PDE1A: variants seen among roughly 807,000 people sequenced by gnomAD.
PDE1A encodes the protein phosphodiesterase 1A.
Under a neutral mutation model 61.7 loss-of-function variants are expected in PDE1A, and 35 were observed. The ratio of observed to expected loss-of-function variants is 0.57; its 90% CI spans 0.43 to 0.75. The LOEUF is 0.75. Among genes scored for constraint, PDE1A ranks in the 30% least tolerant of loss-of-function variants. The pLI, the probability that PDE1A is intolerant of heterozygous loss-of-function variation, is 0.00. For synonymous variants in PDE1A, 232 were observed against 213.2 expected (o/e 1.09, Z -0.77); for missense variants, 597 against 630.6 (o/e 0.95, Z 0.57).
intron 6 of PDE1A, among the ~76,000 whole-genome samples, chr2:182,226,452 AGG>A (rs1246599747): frequency 6.7e-6 from 1 of 149,786 alleles, no homozygotes; most frequent in Non-Finnish European, 1.5e-5. Flanking sequence ...ATAGGAAGAG[AGG>A]AAACACTGAA....
intron 1 of PDE1A, among the ~76,000 whole-genome samples, chr2:182,382,289 A>C (rs1213367259): frequency 2.0e-5 from 3 of 152,246 alleles, no homozygotes; most frequent in Non-Finnish European, 4.4e-5. Flanking sequence ...TAAGAAAGAT[A>C]TAAAGCTAGA....
At chr2:182,516,202 G>A (rs1690139195) in intron 2 of PDE1A, among the ~76,000 whole-genome samples, 1 of 152,138 alleles carries the variant, frequency 6.6e-6, no homozygotes, top group Non-Finnish European at 1.5e-5. Flanking sequence ...CTTTCCAGAA[G>A]CTCTAGGCAC....
At position 182,490,262 on chromosome 2, in the gene PDE1A, G is replaced by A. The variant is rs1033342742; in HGVS notation, c.101+32014C>T. On this transcript the variant is annotated intron_variant, in intron 2 of 14. Transcript: ENST00000410103. ...AGAGTGGATTCAACATCAGATGGAA[G>A]CAGAGCAAGTGAAAACCATGAGTAG... 2.0e-5 allele frequency among the ~76,000 whole-genome samples: 3 copies of A among 152,202 alleles called. No individual in the cohort carries two copies. In the South Asian group the frequency reaches 6.2e-4, roughly 32 times the overall value.
intron 2 of PDE1A, among the ~76,000 whole-genome samples, chr2:182,496,889 T>C (rs937909304): frequency 2.6e-5 from 4 of 152,204 alleles, no homozygotes; most frequent in African/African-American, 9.7e-5. Context: ...TGTAAGCAAC[T>C]AATTCCTGTA....
the PDE1A span, among the ~76,000 whole-genome samples, chr2:182,662,635 T>C: frequency 6.6e-6 from 1 of 152,140 alleles, no homozygotes; most frequent in South Asian, 2.1e-4. Flanking sequence ...TGGCCAGCTA[T>C]ATGCAGGAGA....
chr2:182,311,382 A>C (rs1375114529), intron 1 of PDE1A, among the ~76,000 whole-genome samples: 1 of 152,214 alleles, frequency 6.6e-6, no homozygotes, highest in Non-Finnish European at 1.5e-5. Flanking sequence ...TAACAAAAAT[A>C]ATCTTTCTGA....
chr2:182,666,191 G>A, the PDE1A span, among the ~76,000 whole-genome samples: 234 of 152,154 alleles, frequency 1.5e-3, 1 homozygote, highest in Non-Finnish European at 1.5e-3. Context: ...TGCACATCCT[G>A]CACATGTAAC....
At chr2:182,287,574 A>G (rs888954531) in intron 1 of PDE1A, among the ~76,000 whole-genome samples, 1 of 152,074 alleles carries the variant, frequency 6.6e-6, no homozygotes, top group African/African-American at 2.4e-5. Context: ...AAGTTTGCTG[A>G]ACTTTCTGTG....
chr2:182,466,728 G>A (rs762866576), intron 2 of PDE1A, among the ~76,000 whole-genome samples: 5 of 151,944 alleles, frequency 3.3e-5, no homozygotes, highest in African/African-American at 9.7e-5. Context: ...TCAGGAGTGG[G>A]GGCTCTTGAC....
chr2:182,173,047 C>T (rs946672456), intron 13 of PDE1A, among the ~76,000 whole-genome samples: 1 of 151,954 alleles, frequency 6.6e-6, no homozygotes, highest in Non-Finnish European at 1.5e-5. Context: ...CGAAGGTTCC[C>T]ATTGCCATTT....
the PDE1A span, among the ~76,000 whole-genome samples, chr2:182,622,641 C>T: frequency 6.6e-6 from 1 of 152,076 alleles, no homozygotes; most frequent in Non-Finnish European, 1.5e-5. Context: ...TCATACCATC[C>T]TACATCCAAG....
At chr2:182,231,511 C>A (rs560028577) in intron 4 of PDE1A, among the ~76,000 whole-genome samples, 28 of 152,240 alleles carry the variant, frequency 1.8e-4, no homozygotes, top group African/African-American at 6.3e-4. Context: ...TTGGGAAATA[C>A]AGAAAAAATA....
Position 182,162,846 on chromosome 2 carries a change from G to A in PDE1A, c.1517-15694C>T, listed in dbSNP as rs1691456215. On this transcript the variant is annotated intron_variant, in intron 13 of 13. Transcript: ENST00000409365. ...AACCCATAAGGTAGTTATTTCCCCA[G>A]TTCAAAATGCATTATTGAAATAGAC... 2.0e-5 allele frequency among the ~76,000 whole-genome samples: 3 copies of A among 152,136 alleles called. 1 individual carries two copies. The South Asian group carries it at 6.2e-4, about 31-fold the overall frequency.
intron 1 of PDE1A, among the ~76,000 whole-genome samples, chr2:182,419,467 C>G (rs537582853): frequency 1.9e-3 from 292 of 152,036 alleles, no homozygotes; most frequent in Non-Finnish European, 3.4e-3. Flanking sequence ...TCCCGAGTAG[C>G]TAGGACTACA....
the PDE1A span, among the ~76,000 whole-genome samples, chr2:182,635,698 C>CTCTCTCTTCTA: frequency 1.5e-4 from 22 of 147,620 alleles, no homozygotes; most frequent in Admixed American, 1.2e-3. Flanking sequence ...CTCTCTCTCT[C>CTCTCTCTTCTA]TCCACATATG....
At chr2:182,392,695 A>G (rs922385543) in intron 1 of PDE1A, among the ~76,000 whole-genome samples, 4 of 152,270 alleles carry the variant, frequency 2.6e-5, no homozygotes, top group Admixed American at 6.5e-5. Context: ...GGCATTGGGT[A>G]AATACACCTA....
rs187400934 is a variant in PDE1A at position 182,309,919 on chromosome 2, T to C, written c.54-45505A>G. Among the ~76,000 whole-genome samples, 221 of 151,996 alleles carry C rather than the reference T, an allele frequency of 1.5e-3. 3 individuals are homozygous for C. Among genetic ancestry groups the C allele is most frequent in the Non-Finnish European group, 2.3e-3 (158 of 67,938 alleles). Reference sequence around the variant, plus strand: ...GAATCAAAGGCACCAAGAAGGTAATTTAAAAAGAGAGAGGAGAGAATGCCA... The same window carrying C: ...GAATCAAAGGCACCAAGAAGGTAATCTAAAAAGAGAGAGGAGAGAATGCCA... On this transcript the variant is annotated intron_variant, in intron 1 of 13. Coordinates refer to ENST00000351439, the Ensembl canonical transcript of PDE1A.
At chr2:182,317,384 A>G (rs891920368) in intron 1 of PDE1A, among the ~76,000 whole-genome samples, 4 of 152,096 alleles carry the variant, frequency 2.6e-5, no homozygotes, top group African/African-American at 7.2e-5. Context: ...CAGCCATTAC[A>G]TTAACAAATA....
At chr2:182,311,659 T>C (rs1194997219) in intron 1 of PDE1A, among the ~76,000 whole-genome samples, 1 of 152,220 alleles carries the variant, frequency 6.6e-6, no homozygotes, top group African/African-American at 2.4e-5. Context: ...AGAAGTTTGT[T>C]CCTTTTTATT....
Sources: allele counts gnomAD v4.1 joint callset (sites outside exome capture counted in the v4.1 genomes callset), GRCh38; gene constraint gnomAD v4.1.1; transcripts MANE v1.5; gene names NCBI Gene and HGNC (gene_info 2026-07-23, HGNC 2026-07-21).